NRF1: variants seen among roughly 807,000 people sequenced by gnomAD.
NRF1 encodes the protein nuclear respiratory factor 1, also known as alpha palindromic-binding protein.
In NRF1, 5 loss-of-function variants were observed where a neutral mutation model predicts 58.5. The observed-to-expected ratio is 0.09, with a 90% CI of 0.04 to 0.18. The LOEUF is 0.18. Ranked by LOEUF, NRF1 falls within the 10% of genes least tolerant of loss-of-function variation. NRF1 has a pLI of 1.00. For synonymous variants in NRF1, 224 were observed against 246.7 expected (o/e 0.91, Z 0.86); for missense variants, 288 against 657.7 (o/e 0.44, Z 6.15).
intron 4 of NRF1, among the ~76,000 whole-genome samples, chr7:129,685,451 C>T (rs1348071038): frequency 6.6e-6 from 1 of 152,034 alleles, no homozygotes; most frequent in African/African-American, 2.4e-5. Flanking sequence ...AAACACCCTC[C>T]ATCTCTGGTA....
chr7:129,632,067 T>A (rs528612022), intron 1 of NRF1, among the ~76,000 whole-genome samples: 41 of 152,214 alleles, frequency 2.7e-4, no homozygotes, highest in Admixed American at 4.6e-4. Context: ...TTGAGGCCAG[T>A]AGTTCGAGAC....
chr7:129,654,260 A>G (rs570037304), intron 1 of NRF1, among the ~76,000 whole-genome samples: 2 of 152,304 alleles, frequency 1.3e-5, no homozygotes, highest in African/African-American at 4.8e-5. Flanking sequence ...TTTACCATCT[A>G]TATATCTTCC....
At chr7:129,711,236 A>G (rs573390930) in intron 7 of NRF1, among the ~76,000 whole-genome samples, 16 of 152,362 alleles carry the variant, frequency 1.1e-4, no homozygotes, top group Non-Finnish European at 1.9e-4. Flanking sequence ...AACACTGGGC[A>G]TGGATGTGGC....
chr7:129,659,483 C>T (rs1480981555), intron 2 of NRF1, among the ~76,000 whole-genome samples: 1 of 152,162 alleles, frequency 6.6e-6, no homozygotes, highest in Non-Finnish European at 1.5e-5. Context: ...TTAATATTTG[C>T]TTTAACATGG....
At chr7:129,746,896 T>C (rs1803989094) in intron 10 of NRF1, among the ~76,000 whole-genome samples, 1 of 152,254 alleles carries the variant, frequency 6.6e-6, no homozygotes, top group South Asian at 2.1e-4. Flanking sequence ...ACTAAAGATA[T>C]TTCCATGACC....
chr7:129,710,245 C>T (rs1188214882), intron 6 of NRF1, 129 bp from the exon 7 acceptor site: 82 of 761,992 alleles, frequency 1.1e-4, no homozygotes, highest in South Asian at 3.3e-5. Context: ...GGGAGGTAAT[C>T]CTAGGAGAGT....
intron 10 of NRF1, among the ~76,000 whole-genome samples, chr7:129,752,477 AT>A (rs750743624): frequency 3.3e-5 from 5 of 152,194 alleles, no homozygotes; most frequent in Non-Finnish European, 7.3e-5. Flanking sequence ...ATGCTAAATC[AT>A]TTGAACTTTG....
At chr7:129,669,559 T>C (rs1054540564) in intron 2 of NRF1, among the ~76,000 whole-genome samples, 1 of 152,192 alleles carries the variant, frequency 6.6e-6, no homozygotes, top group Non-Finnish European at 1.5e-5. Flanking sequence ...ATTGGACTCC[T>C]ACAACTCAGC....
At chr7:129,728,928 A>G (rs1038013262) in intron 10 of NRF1, among the ~76,000 whole-genome samples, 15 of 152,214 alleles carry the variant, frequency 9.9e-5, no homozygotes, top group African/African-American at 3.6e-4. Flanking sequence ...GAAATGGACC[A>G]TGGTTGGAAT....
intron 10 of NRF1, among the ~76,000 whole-genome samples, chr7:129,729,950 G>T (rs143015562): frequency 6.6e-6 from 1 of 152,034 alleles, no homozygotes; most frequent in Non-Finnish European, 1.5e-5. Context: ...AATGATTCTC[G>T]TGCCTCAGCC....
chr7:129,650,538 A>G (rs1801510922), intron 1 of NRF1, among the ~76,000 whole-genome samples: 1 of 152,190 alleles, frequency 6.6e-6, no homozygotes, highest in Non-Finnish European at 1.5e-5. Context: ...TTAGAAATGA[A>G]GAAATTGAGG....
intron 10 of NRF1, 44 bp downstream of exon 10, chr7:129,727,409 A>G: frequency 6.4e-7 from 1 of 1,550,622 alleles, no homozygotes. Context: ...CCCTGTTTCC[A>G]CTTAAACCTT....
At chr7:129,724,997 G>T (rs1469987864) in intron 9 of NRF1, among the ~76,000 whole-genome samples, 1 of 152,182 alleles carries the variant, frequency 6.6e-6, no homozygotes, top group Admixed American at 6.5e-5. Flanking sequence ...GATTGCTTGA[G>T]CCCGGGAATT....
intron 1 of NRF1, among the ~76,000 whole-genome samples, chr7:129,646,532 CA>C (rs1341815326): frequency 7.9e-5 from 12 of 152,158 alleles, no homozygotes; most frequent in Non-Finnish European, 5.9e-5. Context: ...CCTGGAAGCT[CA>C]GAGAGGTCCT....
At chr7:129,622,125 T>TTAG (rs1800811559) in intron 1 of NRF1, among the ~76,000 whole-genome samples, 1 of 152,138 alleles carries the variant, frequency 6.6e-6, no homozygotes, top group Non-Finnish European at 1.5e-5. Context: ...GCACCCCCCA[T>TTAG]TAGTGGTTGT....
intron 10 of NRF1, among the ~76,000 whole-genome samples, chr7:129,739,349 CT>C (rs1289001041): frequency 2.0e-5 from 3 of 152,098 alleles, no homozygotes; most frequent in Non-Finnish European, 4.4e-5. Context: ...CTTTAATGGA[CT>C]GTGTAGATAC....
In NRF1 at chr7:129,755,529, T is replaced by G. The variant is rs1804231960; in HGVS notation, c.*348T>G. 1 of 82,668 alleles carries G rather than the reference T, an allele frequency of 1.2e-5. No homozygotes were observed. Among genetic ancestry groups the G allele is most frequent in the African/African-American group, 5.0e-5 (1 of 20,090 alleles). The allele number at this position is 82,668 out of a possible 1,614,324, so 5.1% of individuals were successfully genotyped here. A position where few individuals can be genotyped will look rare whatever the true frequency, so the allele number is the denominator to read the frequency against. Reference sequence around the variant, plus strand: ...ATATGGACATACACATTTACATATATATAAAGTATATATATACATATATAT... The same window carrying G: ...ATATGGACATACACATTTACATATAGATAAAGTATATATATACATATATAT... On this transcript the variant is annotated 3_prime_UTR_variant, in exon 11 of 11. Transcript: ENST00000393232. The surrounding 1 kb of genome is among the most constrained non-coding windows in gnomAD (Gnocchi z 5.8).
chr7:129,634,221 A>G (rs1255080951), intron 1 of NRF1, among the ~76,000 whole-genome samples: 1 of 151,994 alleles, frequency 6.6e-6, no homozygotes, highest in East Asian at 1.9e-4. Context: ...TGATGAACCA[A>G]TATTAACAGA....
chr7:129,622,289 T>G (rs1562951206), intron 1 of NRF1, among the ~76,000 whole-genome samples: 1 of 152,208 alleles, frequency 6.6e-6, no homozygotes. Context: ...ATGACTTCAC[T>G]GTCAGATTTT....
Sources: allele counts gnomAD v4.1 joint callset (sites outside exome capture counted in the v4.1 genomes callset), GRCh38; gene constraint gnomAD v4.1.1; non-coding constraint Gnocchi (gnomAD v3.1); transcripts MANE v1.5; gene names NCBI Gene and HGNC (gene_info 2026-07-23, HGNC 2026-07-21).